The following UNC13D variants were observed in gnomAD, a reference collection of about 807,000 sequenced individuals.
The protein encoded by UNC13D is unc-13 homolog D, also known as protein unc-13 homolog D.
Under a neutral mutation model 151.7 loss-of-function variants are expected in UNC13D, and 115 were observed. The ratio of observed to expected loss-of-function variants is 0.76; its 90% CI spans 0.65 to 0.88. UNC13D has a LOEUF of 0.88. Ranked by LOEUF, UNC13D falls within the 40% of genes least tolerant of loss-of-function variation. The pLI, the probability that UNC13D is intolerant of heterozygous loss-of-function variation, is 0.00. For synonymous variants in UNC13D, 588 were observed against 612.2 expected (o/e 0.96, Z 0.58); for missense variants, 1,369 against 1,438.7 (o/e 0.95, Z 0.78).
rs112341334 is a variant in UNC13D, at chr17:75,834,310, G to A, written c.2298+15C>T. On this transcript the variant is annotated intron_variant, in intron 23 of 31. Transcript: ENST00000207549. Reference sequence around the variant, plus strand: ...ACGGGATGGGATGGGGTGACTGTGCGGTCGGACAAGGTACCTGCTCGGCCA... The same window carrying A: ...ACGGGATGGGATGGGGTGACTGTGCAGTCGGACAAGGTACCTGCTCGGCCA... The A allele has an allele frequency of 5.9e-3, 9,396 of 1,592,864 alleles. 64 individuals carry two copies. Among genetic ancestry groups the A allele is most frequent in the African/African-American group, 0.015 (1,109 of 74,898 alleles).
At chr17:75,829,754 C>T in intron 30 of UNC13D, 2 of 412,342 alleles carry the variant, frequency 4.9e-6, no homozygotes, top group Non-Finnish European at 9.1e-6. Context: ...TCATGCCCGG[C>T]TAATTTTGTA....
Position 75,843,242 on chromosome 17 carries a change from G to C in UNC13D, c.178C>G (p.Leu60Val). 1 of 1,609,456 alleles carries C rather than the reference G, an allele frequency of 6.2e-7. No homozygotes were observed. Among genetic ancestry groups the C allele is most frequent in the Non-Finnish European group, 8.5e-7 (1 of 1,179,892 alleles). ...EQRALLYEDA[L>V]YTVLHRLGHP... ...CCCAGGCGGTGCAAGACAGTGTAGA[G>C]TGCGTCCTCGTAGAGCAGGGCCCGC... Residue 60 changes from leucine (L) to valine (V), a missense_variant, in exon 3 of 32, where the codon CTC becomes GTC. Around this residue, in one of 3 missense-constraint regions of UNC13D, gnomAD observed 550 missense variants for 609.0 expected, o/e 0.90. Transcript: ENST00000207549.
chr17:75,829,028 C>A, intron 30 of UNC13D, 45 bp from the exon 31 acceptor site: 1 of 1,585,830 alleles, frequency 6.3e-7, no homozygotes, highest in Non-Finnish European at 8.5e-7. Context: ...AGCACAGCCA[C>A]CCCAGCCTCG....
At chr17:75,829,980 T>C in intron 30 of UNC13D, 48 bp downstream of exon 30, 1 of 1,559,748 alleles carries the variant, frequency 6.4e-7, no homozygotes, top group Non-Finnish European at 8.7e-7. Flanking sequence ...GGGAGCCCAG[T>C]GGGGAGAGAT....
At chr17:75,841,138 T>A in intron 6 of UNC13D, 137 bp from the exon 7 acceptor site, 1 of 333,272 alleles carries the variant, frequency 3.0e-6, no homozygotes, top group Non-Finnish European at 4.5e-6. Context: ...CGCATCCCTT[T>A]TTTTTTTTTT....
intron 16 of UNC13D, 21 bp from the exon 17 acceptor site, chr17:75,836,130 T>G: frequency 1.2e-6 from 2 of 1,612,692 alleles, no homozygotes; most frequent in Middle Eastern, 1.7e-4. Context: ...AGAGGTGGGC[T>G]GGGCAGGGCT....
At chr17:75,842,410 G>C (rs1567822117) in intron 6 of UNC13D, 23 bp downstream of exon 6, 4 of 1,602,552 alleles carry the variant, frequency 2.5e-6, no homozygotes, top group Non-Finnish European at 3.4e-6. Context: ...GGATAGAGTG[G>C]GGGCTGGAGC....
intron 6 of UNC13D, 130 bp downstream of exon 6, chr17:75,842,300 TCTC>T (rs1224327060): frequency 7.9e-6 from 10 of 1,262,226 alleles, no homozygotes; most frequent in Non-Finnish European, 1.1e-5. Context: ...GAGATGGGCT[TCTC>T]CTCTAGTCTT....
At position 75,831,111 on chromosome 17, in the gene UNC13D, G is replaced by A. The variant is rs760703333; in HGVS notation, c.2612C>T (p.Thr871Ile). The change falls in exon 27 of 32, where the codon ACT (threonine) becomes ATT (isoleucine). Residue 871 changes from threonine (T) to isoleucine (I), a missense_variant. Around this residue, in one of 3 missense-constraint regions of UNC13D, gnomAD observed 807 missense variants for 795.5 expected, o/e 1.01. Coordinates refer to ENST00000207549, the MANE Select transcript of UNC13D (RefSeq NM_199242.3). ...CAAAGCCCCTACCTGGAAGGTGGCA[G>A]TGTGCAGGGCCTTGGGTGGCAGGCC... ...GCGLPPKALH[T>I]ATFQALQRDL... 3.1e-6 allele frequency: 5 copies of A among 1,613,878 alleles called. No homozygotes were observed. The highest frequency in any genetic ancestry group is 2.7e-5 in the African/African-American group (2 of 74,954).
intron 18 of UNC13D, 34 bp downstream of exon 18, chr17:75,835,821 G>C: frequency 6.2e-7 from 1 of 1,614,054 alleles, no homozygotes; most frequent in African/African-American, 1.3e-5. Context: ...AGCTCTGTTG[G>C]AGGGCATGCC....
chr17:75,827,933 CG>C lies in UNC13D; in HGVS notation c.*31del. ...CAGGAAAGCCCTTGCAAGTCCCCACCGGGGACCCAGCCCCACCGCAAACCTC... is the reference window on the plus strand; with the variant it reads ...CAGGAAAGCCCTTGCAAGTCCCCACCGGGACCCAGCCCCACCGCAAACCTC... On this transcript the variant is annotated 3_prime_UTR_variant, in exon 32 of 32. Coordinates refer to ENST00000207549, the MANE Select transcript of UNC13D (RefSeq NM_199242.3). 1.2e-6 allele frequency: 2 copies of C among 1,604,668 alleles called. No homozygotes were observed. Among genetic ancestry groups the C allele is most frequent in the East Asian group, 2.3e-5 (1 of 44,434 alleles).
chr17:75,842,365 T>C (rs1171643462), intron 6 of UNC13D, 68 bp downstream of exon 6: 1 of 1,557,960 alleles, frequency 6.4e-7, no homozygotes, highest in Non-Finnish European at 8.7e-7. Context: ...CTCATCTCAT[T>C]GTCTGGGGCA....
chr17:75,832,700 G>C lies in UNC13D; in HGVS notation c.2447+266C>G, dbSNP rs972391374. 1 of 414,638 alleles carries C rather than the reference G, an allele frequency of 2.4e-6. No individual in the cohort carries two copies. The highest frequency in any genetic ancestry group is 4.2e-5 in the East Asian group (1 of 23,878). 25.7% of individuals were successfully genotyped at this position (414,638 alleles called of 1,614,324 possible). On this transcript the variant is annotated intron_variant, in intron 25 of 31. Coordinates refer to ENST00000207549, the MANE Select transcript of UNC13D (RefSeq NM_199242.3). This position sits in a 1 kb window ranked among gnomAD's most constrained non-coding sequence, Gnocchi z 4.3. Reference sequence around the variant, plus strand: ...AGCAGGAAATGGGGAGGCCTGAGAAGTGGCAAGCTCCCCGTCCCTGCAGCG... The same window carrying C: ...AGCAGGAAATGGGGAGGCCTGAGAACTGGCAAGCTCCCCGTCCCTGCAGCG...
At position 75,835,034 on chromosome 17, in the gene UNC13D, G is replaced by A. The variant is rs1879735904; in HGVS notation, c.1878C>T (p.His626=). 6.2e-7 allele frequency: 1 copy of A among 1,614,006 alleles called. No individual in the cohort carries two copies. The highest frequency in any genetic ancestry group is 8.5e-7 in the Non-Finnish European group (1 of 1,180,028). ...ELVPLGELTK[H]STSAVDLSTC... ...TGGATAGATCCACCGCTGATGTGCT[G>A]TGCTTGGTCAGTTCACCCAGGGGCA... Residue 626 remains histidine (H), a synonymous_variant, in exon 21 of 32, where the codon CAC becomes CAT. Coordinates refer to ENST00000207549, the MANE Select transcript of UNC13D (RefSeq NM_199242.3).
chr17:75,835,432 G>A lies in UNC13D; in HGVS notation c.1825C>T (p.Gln609Ter). ...KTYNEALARV[Q>*]RAVQMDELVP... ...ACCTCATCCATCTGCACAGCGCGCT[G>A]CACCCGCGCCAGGGCCTCGTTGTAC... Residue 609 changes from glutamine (Q) to a stop codon, truncating the protein, a stop_gained, in exon 20 of 32, where the codon CAG (glutamine) becomes TAG (stop). Transcript: ENST00000207549. LOFTEE classifies it high-confidence loss of function. 14 of 1,612,736 alleles carry A rather than the reference G, an allele frequency of 8.7e-6. No individual in the cohort carries two copies. The highest frequency in any genetic ancestry group is 1.1e-5 in the Non-Finnish European group (13 of 1,179,826).
rs1599412043 is a variant in UNC13D, at chr17:75,839,860, G to A, written c.1034C>T (p.Ser345Phe). The change falls in exon 12 of 32, where the codon TCC becomes TTC. Residue 345 changes from serine (S) to phenylalanine (F), a missense_variant. Physicochemically the swap from Ser to Phe is radical, Grantham distance 155. Around this residue, in one of 3 missense-constraint regions of UNC13D, gnomAD observed 550 missense variants for 609.0 expected, o/e 0.90. Coordinates refer to ENST00000207549, the MANE Select transcript of UNC13D (RefSeq NM_199242.3). Reference sequence around the variant, plus strand: ...TCACGCCATGGACTGGTGGAAGTCGGATAGGTCCTTCTGTGTGGCGTGCAG... The same window carrying A: ...TCACGCCATGGACTGGTGGAAGTCGAATAGGTCCTTCTGTGTGGCGTGCAG... ...LFLHATQKDLSDFHQSMAQWL... is the reference protein window; with the variant it reads ...LFLHATQKDLFDFHQSMAQWL... 6.2e-7 allele frequency: 1 copy of A among 1,613,906 alleles called. No individual in the cohort carries two copies. Among genetic ancestry groups the A allele is most frequent in the Non-Finnish European group, 8.5e-7 (1 of 1,180,006 alleles).
In UNC13D at chr17:75,827,645, G is replaced by T; in HGVS notation, c.*320C>A. On this transcript the variant is annotated 3_prime_UTR_variant, in exon 32 of 32. Coordinates refer to ENST00000207549, the MANE Select transcript of UNC13D (RefSeq NM_199242.3). ...GCAGATGGGCCAGGGCCAGGAGACA[G>T]ATGGCCCAATCCCCTGCCCACCACA... 6.5e-7 allele frequency: 1 copy of T among 1,535,278 alleles called. No individual in the cohort carries two copies. The highest frequency in any genetic ancestry group is 1.2e-5 in the South Asian group (1 of 84,036).
At position 75,833,429 on chromosome 17, in the gene UNC13D, T is replaced by A. The variant is rs1307034758; in HGVS notation, c.2368-384A>T. Among the ~76,000 whole-genome samples, 1 of 151,878 alleles carries A rather than the reference T, an allele frequency of 6.6e-6. No individual in the cohort carries two copies. The highest frequency in any genetic ancestry group is 2.4e-5 in the African/African-American group (1 of 41,180). On this transcript the variant is annotated intron_variant, in intron 24 of 31. Coordinates refer to ENST00000207549, the MANE Select transcript of UNC13D (RefSeq NM_199242.3). The surrounding 1 kb of genome is among the most constrained non-coding windows in gnomAD (Gnocchi z 4.0). Reference sequence around the variant, plus strand: ...TCTAAAAATACAACCCTCTGACACTTCTCAGCCGCTTCTCTGTTTTAAATT... The same window carrying A: ...TCTAAAAATACAACCCTCTGACACTACTCAGCCGCTTCTCTGTTTTAAATT...
chr17:75,843,549 C>T (rs767551897), intron 1 of UNC13D, 30 bp from the exon 2 acceptor site: 126 of 1,608,588 alleles, frequency 7.8e-5, no homozygotes, highest in South Asian at 4.2e-4. Context: ...GGCAGTGTCC[C>T]GGGAGGCCCA....
Sources: allele counts gnomAD v4.1 joint callset (sites outside exome capture counted in the v4.1 genomes callset), GRCh38; gene constraint gnomAD v4.1.1; regional missense constraint gnomAD v4.1.1; non-coding constraint Gnocchi (gnomAD v3.1); transcripts MANE v1.5; gene names NCBI Gene and HGNC (gene_info 2026-07-23, HGNC 2026-07-21).